Variants in NBL1 observed in about 807,000 individuals in gnomAD.
The protein encoded by NBL1 is NBL1, DAN family BMP antagonist.
Under a neutral mutation model 16.0 loss-of-function variants are expected in NBL1, and 9 were observed. The ratio of observed to expected loss-of-function variants is 0.56; its 90% CI spans 0.34 to 0.98. NBL1 has a LOEUF of 0.98. Among genes scored for constraint, NBL1 ranks in the 50% least tolerant of loss-of-function variants. The pLI is 0.02. For synonymous variants in NBL1, 86 were observed against 100.7 expected (o/e 0.85, Z 0.87); for missense variants, 196 against 243.1 (o/e 0.81, Z 1.29).
At chr1:19,648,478 G>A (rs961030163) in intron 1 of NBL1, among the ~76,000 whole-genome samples, 6 of 152,228 alleles carry the variant, frequency 3.9e-5, no homozygotes, top group Non-Finnish European at 8.8e-5. Context: ...GGCATCTCAG[G>A]AAAGAGGTGT....
chr1:19,645,777 G>C lies in NBL1; in HGVS notation c.-20+1331G>C. 2.1e-6 allele frequency: 3 copies of C among 1,402,806 alleles called. No individual in the cohort carries two copies. In the South Asian group the frequency reaches 4.4e-5, roughly 20 times the overall value. 86.9% of individuals were successfully genotyped at this position (1,402,806 alleles called of 1,614,324 possible). On this transcript the variant is annotated intron_variant, in intron 1 of 3. Coordinates refer to ENST00000375136, the MANE Select transcript of NBL1 (RefSeq NM_005380.8). The stretch of plus-strand genomic sequence containing the variant: ...TCTCTCCCGGGCCTGTGTTTTGGAG[G>C]GGTGGACAGGGGAGTAGGTGTTCTG...
rs530517160 is a variant in NBL1 at position 19,655,540 on chromosome 1, A to G, written c.282+105A>G. ...TTCCAGCAGATGGCCACAGGGCCTT[A>G]GAAAGGCCCCACTGTGTGCAGGGTG... On this transcript the variant is annotated intron_variant, in intron 3 of 3. Coordinates refer to ENST00000375136, the MANE Select transcript of NBL1 (RefSeq NM_005380.8). 3.9e-5 allele frequency: 50 copies of G among 1,275,164 alleles called. 1 individual carries two copies. The South Asian group carries it at 6.4e-4, about 16-fold the overall frequency. The allele number at this position is 1,275,164 out of a possible 1,614,324, so 79.0% of individuals were successfully genotyped here. A position where few individuals can be genotyped will look rare whatever the true frequency, so the allele number is the denominator to read the frequency against.
At chr1:19,645,292 C>T (rs2094971912) in intron 1 of NBL1, 1 of 890,618 alleles carries the variant, frequency 1.1e-6, no homozygotes, top group Non-Finnish European at 1.3e-6. Flanking sequence ...AAGAATTCCA[C>T]CCCCGCGAGG....
At chr1:19,643,255 G>A (rs909543609), upstream of NBL1, 5 of 1,546,042 alleles carry the variant, frequency 3.2e-6, no homozygotes, top group African/African-American at 6.8e-5. The surrounding 1 kb of genome is among the most constrained non-coding windows in gnomAD (Gnocchi z 4.7). Context: ...TGTGGAGGGT[G>A]CGAGTAGGCT....
chr1:19,646,178 A>C, intron 1 of NBL1: 1 of 985,282 alleles, frequency 1.0e-6, no homozygotes, highest in Non-Finnish European at 1.4e-6. Flanking sequence ...TGCTGAAGGA[A>C]GGAAGGAAAA....
intron 1 of NBL1, among the ~76,000 whole-genome samples, chr1:19,650,319 G>C (rs2095016217): frequency 6.6e-6 from 1 of 152,224 alleles, no homozygotes; most frequent in African/African-American, 2.4e-5. Flanking sequence ...TCAGAATTCA[G>C]AACCTCTGCT....
intron 1 of NBL1, among the ~76,000 whole-genome samples, chr1:19,654,595 T>C (rs183850650): frequency 2.3e-4 from 35 of 152,268 alleles, no homozygotes; most frequent in African/African-American, 7.9e-4. Flanking sequence ...AAGGAGGTAG[T>C]AATTGTTCAG....
intron 1 of NBL1, among the ~76,000 whole-genome samples, 186 bp from the exon 2 acceptor site, chr1:19,654,826 T>C (rs1478433674): frequency 5.3e-5 from 8 of 152,188 alleles, no homozygotes; most frequent in African/African-American, 1.9e-4. Context: ...CTGATGTAGG[T>C]ACCACTCCCA....
rs1335326910 is a variant in NBL1, at chr1:19,644,353, GC to G, written c.-107del. 2.0e-6 allele frequency: 2 copies of G among 977,782 alleles called. No homozygotes were observed. The highest frequency in any genetic ancestry group is 2.4e-6 in the Non-Finnish European group (2 of 826,328). The allele number at this position is 977,782 out of a possible 1,614,324, so 60.6% of individuals were successfully genotyped here. A position where few individuals can be genotyped will look rare whatever the true frequency, so the allele number is the denominator to read the frequency against. ...CAGCCCAGCCGAGCGTCGCGGGGCC[GC>G]CCCCCGCCCTGCCGGCCGCCTCGCC... On this transcript the variant is annotated 5_prime_UTR_variant, in exon 1 of 4. Coordinates refer to ENST00000375136, the MANE Select transcript of NBL1 (RefSeq NM_005380.8). This position sits in a 1 kb window ranked among gnomAD's most constrained non-coding sequence, Gnocchi z 4.6.
At chr1:19,648,377 C>G (rs2094997873) in intron 1 of NBL1, among the ~76,000 whole-genome samples, 2 of 152,176 alleles carry the variant, frequency 1.3e-5, no homozygotes, top group South Asian at 4.1e-4. Flanking sequence ...CCTCAGAGTC[C>G]CGTGGGGAGC....
chr1:19,643,536 C>T (rs1340163313), upstream of NBL1: 1 of 1,467,204 alleles, frequency 6.8e-7, no homozygotes, highest in Non-Finnish European at 9.0e-7. The surrounding 1 kb of genome is among the most constrained non-coding windows in gnomAD (Gnocchi z 4.7). Flanking sequence ...CGGCCGCAAT[C>T]CACCCAAGTG....
At chr1:19,647,959 G>A (rs138005780) in intron 1 of NBL1, among the ~76,000 whole-genome samples, 479 of 152,198 alleles carry the variant, frequency 3.1e-3, no homozygotes, top group Non-Finnish European at 4.7e-3. Flanking sequence ...TTATATATGC[G>A]TCTGTGTGTT....
chr1:19,650,239 T>C (rs1435599074), intron 1 of NBL1, among the ~76,000 whole-genome samples: 6 of 152,256 alleles, frequency 3.9e-5, no homozygotes, highest in Non-Finnish European at 8.8e-5. Context: ...TATCACCTAA[T>C]GGCACATTTC....
intron 1 of NBL1, among the ~76,000 whole-genome samples, chr1:19,645,036 CGCTGCCCTCTGT>C (rs2094970215): frequency 6.6e-6 from 1 of 152,188 alleles, no homozygotes; most frequent in Admixed American, 6.5e-5. Context: ...TCTGTCTCTG[CGCTGCCCTCTGT>C]GGGGGTCTCG....
At chr1:19,646,413 C>T (rs1558359896) in intron 1 of NBL1, among the ~76,000 whole-genome samples, 1 of 152,204 alleles carries the variant, frequency 6.6e-6, no homozygotes, top group Non-Finnish European at 1.5e-5. Flanking sequence ...AATGTATGAG[C>T]TTTGGCCAGA....
intron 3 of NBL1, among the ~76,000 whole-genome samples, chr1:19,656,478 G>T (rs2095057050): frequency 6.6e-6 from 1 of 151,926 alleles, no homozygotes; most frequent in African/African-American, 2.4e-5. Context: ...CCAAGCACAG[G>T]ATTGGTAAGA....
At chr1:19,651,900 ATATTTTATTT>A (rs201616380) in intron 1 of NBL1, among the ~76,000 whole-genome samples, 6 of 152,056 alleles carry the variant, frequency 3.9e-5, no homozygotes, top group Non-Finnish European at 8.8e-5. Context: ...TAATAAAAAA[ATATTTTATTT>A]TATTTTATTT....
At chr1:19,648,632 G>A (rs2095000398) in intron 1 of NBL1, among the ~76,000 whole-genome samples, 1 of 152,196 alleles carries the variant, frequency 6.6e-6, no homozygotes, top group Non-Finnish European at 1.5e-5. Context: ...TCCTTGACCT[G>A]TGCCTCAGTT....
rs1420263219 is a variant in NBL1, at chr1:19,658,029, G to A, written c.*900G>A. 1 of 152,684 alleles carries A rather than the reference G, an allele frequency of 6.5e-6. No individual in the cohort carries two copies. Among genetic ancestry groups the A allele is most frequent in the Non-Finnish European group, 1.5e-5 (1 of 68,094 alleles). The allele number at this position is 152,684 out of a possible 1,614,324, so 9.5% of individuals were successfully genotyped here. On this transcript the variant is annotated 3_prime_UTR_variant, in exon 4 of 4. Coordinates refer to ENST00000375136, the MANE Select transcript of NBL1 (RefSeq NM_005380.8). The stretch of plus-strand genomic sequence containing the variant: ...CTCTTTGTAAATATCGGATGGGTGT[G>A]GGAGTGAGGGGTTACCTCCCTCGCC...
Sources: gnomAD v4.1 joint callset for allele counts (sites outside exome capture counted in the v4.1 genomes callset) on GRCh38, gnomAD v4.1.1 for gene constraint, Gnocchi (gnomAD v3.1) non-coding constraint, MANE v1.5 for transcripts, NCBI Gene and HGNC (gene_info 2026-07-23, HGNC 2026-07-21) for gene names.